The following LRRC15 variants were observed in gnomAD, a reference collection of about 807,000 sequenced individuals.
LRRC15 encodes the protein leucine-rich repeat-containing protein 15.
LRRC15 carries 5 observed loss-of-function variants against 4.3 expected under a neutral mutation model. The ratio of observed to expected loss-of-function variants is 1.16; its 90% CI spans 0.61 to 2.44. The LOEUF (loss-of-function observed/expected upper bound fraction) is 2.44. LRRC15 is among the 30% of genes most tolerant of loss of function. The pLI is 0.01. For synonymous variants in LRRC15, 337 were observed against 323.2 expected (o/e 1.04, Z -0.46); for missense variants, 769 against 747.0 (o/e 1.03, Z -0.34).
In LRRC15 at chr3:194,360,313, T is replaced by C. The variant is rs1576998804; in HGVS notation, c.731A>G (p.Asn244Ser). 1.9e-6 allele frequency: 3 copies of C among 1,613,356 alleles called. No homozygotes were observed. Among genetic ancestry groups the C allele is most frequent in the Admixed American group, 1.7e-5 (1 of 59,978 alleles). The change falls in exon 2 of 2, where the codon AAC (asparagine) becomes AGC (serine). Residue 244 changes from asparagine to serine, a missense_variant. By Grantham distance (46) the Asn-to-Ser change is conservative (BLOSUM62 1). Transcript: ENST00000347624. ...GLLSPGLFHNNHNLQRLYLSN... is the reference protein window; with the variant it reads ...GLLSPGLFHNSHNLQRLYLSN... ...CAGGTAGAGTCTCTGGAGGTTGTGG[T>C]TGTTGTGGAAGAGACCAGGGGAGAG...
chr3:194,360,394 A>G lies in LRRC15; in HGVS notation c.650T>C (p.Phe217Ser). The G allele has an allele frequency of 6.2e-7, 1 of 1,614,172 alleles. No individual in the cohort carries two copies. ...TTCCTGCAGGTTAACAAGCCCATCA[A>G]AAGTGCCCATGGGGATATCCGTGAG... is the stretch of plus-strand genomic sequence containing the variant. Reference protein sequence around the residue: ...NRLTDIPMGTFDGLVNLQELA... With the variant: ...NRLTDIPMGTSDGLVNLQELA... Residue 217 changes from phenylalanine to serine, a missense_variant, in exon 2 of 2, where the codon TTT becomes TCT. Transcript: ENST00000347624.
In LRRC15 at chr3:194,355,490, C is replaced by G. The variant is rs1217827567; in HGVS notation, c.*3808G>C. 1 of 152,250 alleles carries G rather than the reference C, an allele frequency of 6.6e-6. No homozygotes were observed. The highest frequency in any genetic ancestry group is 2.4e-5 in the African/African-American group (1 of 41,454). 9.4% of individuals were successfully genotyped at this position (152,250 alleles called of 1,614,324 possible). ...CAGCGGGTTGGTGAGAACAATCTCT[C>G]CTTAAGAGAAGAAGAAACCTGGGGC... is the stretch of plus-strand genomic sequence containing the variant. On this transcript the variant is annotated 3_prime_UTR_variant, in exon 2 of 2. Transcript: ENST00000347624.
chr3:194,364,791 G>A (rs1362045549), intron 1 of LRRC15, among the ~76,000 whole-genome samples: 1 of 152,252 alleles, frequency 6.6e-6, no homozygotes, highest in Non-Finnish European at 1.5e-5. Flanking sequence ...GCCCATCCCA[G>A]CACCACATGC....
At position 194,360,360 on chromosome 3, in the gene LRRC15, C is replaced by A. The variant is rs11713861; in HGVS notation, c.684G>T (p.Leu228=). 5.6e-6 allele frequency: 9 copies of A among 1,613,906 alleles called. No individual in the cohort carries two copies. The highest frequency in any genetic ancestry group is 7.6e-6 in the Non-Finnish European group (9 of 1,179,972). ...DGLVNLQELA[L]QQNQIGLLSP... The stretch of plus-strand genomic sequence containing the variant: ...AGAGCAGTCCAATCTGGTTCTGCTG[C>A]AGAGCCAGTTCCTGCAGGTTAACAA... Residue 228 remains leucine (L), a synonymous_variant, in exon 2 of 2, where the codon CTG becomes CTT. Transcript: ENST00000347624.
At chr3:194,367,996 G>A (rs1178354371) in intron 1 of LRRC15, among the ~76,000 whole-genome samples, 2 of 152,210 alleles carry the variant, frequency 1.3e-5, no homozygotes, top group Non-Finnish European at 2.9e-5. Flanking sequence ...CAGCAGAACA[G>A]GAGAACTGCC....
rs1453356679 is a variant in LRRC15, at chr3:194,360,469, A to AC, written c.574dup (p.Val192GlyfsTer15). On this transcript the variant is annotated frameshift_variant, in exon 2 of 2. Transcript: ENST00000347624. LOFTEE classifies it low-confidence loss of function (END_TRUNC). ...CTGGAGGTTGCCCAGGTGCTGGAAGACCCTGGGTGAGATGTGGGTGAGGCT... is the reference window on the plus strand; with the variant it reads ...CTGGAGGTTGCCCAGGTGCTGGAAGACCCCTGGGTGAGATGTGGGTGAGGCT... The AC allele has an allele frequency of 5.6e-6, 9 of 1,613,938 alleles. No homozygotes were observed. In the East Asian group the frequency reaches 1.8e-4, roughly 32 times the overall value.
chr3:194,368,849 G>GC (rs1260636981), intron 1 of LRRC15, among the ~76,000 whole-genome samples: 1 of 152,218 alleles, frequency 6.6e-6, no homozygotes, highest in Non-Finnish European at 1.5e-5. Flanking sequence ...CTACGTTTGA[G>GC]CAGAGACACG....
Position 194,360,648 on chromosome 3 carries a change from C to T in LRRC15, c.396G>A (p.Leu132=). The T allele has an allele frequency of 6.2e-7, 1 of 1,614,140 alleles. No homozygotes were observed. The highest frequency in any genetic ancestry group is 8.5e-7 in the Non-Finnish European group (1 of 1,180,026). The change falls in exon 2 of 2, where the codon CTG becomes CTA. Residue 132 remains leucine (L), a synonymous_variant. Coordinates refer to ENST00000347624, the MANE Select transcript of LRRC15 (RefSeq NM_130830.5). ...GGATCTGCAACAGCTGGTTACTGGA[C>T]AGAAGGAGAGACTCGAGGCTGTCCA... The part of the protein sequence containing the change: ...QGLDSLESLL[L]SSNQLLQIQP...
At position 194,361,001 on chromosome 3, in the gene LRRC15, C is replaced by A. The variant is rs1466773202; in HGVS notation, c.43G>T (p.Ala15Ser). 6.6e-7 allele frequency: 1 copy of A among 1,525,508 alleles called. No individual in the cohort carries two copies. Among genetic ancestry groups the A allele is most frequent in the Non-Finnish European group, 8.7e-7 (1 of 1,143,726 alleles). 94.5% of individuals were successfully genotyped at this position (1,525,508 alleles called of 1,614,324 possible). Residue 15 changes from alanine (A) to serine (S), a missense_variant, in exon 2 of 2, where the codon GCC becomes TCC. Ala to Ser is a moderately conservative substitution (Grantham distance 99). Transcript: ENST00000347624. ...TGGTAGGCCAACCCTGCACCCCAGG[C>A]TTGGCAGCCCACCAGCAAAAGGAGA... ...HYLLLLVGCQ[A>S]WGAGLAYHGC...
rs1420341057 is a variant in LRRC15 at position 194,359,669 on chromosome 3, C to A, written c.1375G>T (p.Val459Phe). The part of the protein sequence containing the change: ...TVPVCFSPAN[V>F]RGQSLIIINV... The stretch of plus-strand genomic sequence containing the variant: ...ATGATAATGAGGGACTGGCCTCGGA[C>A]ATTGGCTGGGCTGAAACACACAGGT... Residue 459 changes from valine (V) to phenylalanine (F), a missense_variant, in exon 2 of 2, where the codon GTC becomes TTC. Coordinates refer to ENST00000347624, the MANE Select transcript of LRRC15 (RefSeq NM_130830.5). 1 of 1,614,158 alleles carries A rather than the reference C, an allele frequency of 6.2e-7. No homozygotes were observed.
intron 1 of LRRC15, chr3:194,363,321 A>G (rs1269821374): frequency 1.4e-6 from 1 of 706,946 alleles, no homozygotes; most frequent in South Asian, 1.5e-5. Flanking sequence ...GACTAAGCAT[A>G]TAGAACAATG....
intron 1 of LRRC15, among the ~76,000 whole-genome samples, chr3:194,368,160 C>T (rs184726519): frequency 2.0e-5 from 3 of 152,316 alleles, no homozygotes; most frequent in Admixed American, 6.5e-5. Flanking sequence ...CAAGACAGGC[C>T]ATAAATCTGA....
At position 194,359,972 on chromosome 3, in the gene LRRC15, C is replaced by T. The variant is rs1012187849; in HGVS notation, c.1072G>A (p.Gly358Arg). The T allele has an allele frequency of 5.6e-6, 9 of 1,614,184 alleles. No individual in the cohort carries two copies. The highest frequency in any genetic ancestry group is 7.6e-6 in the Non-Finnish European group (9 of 1,180,016). The change falls in exon 2 of 2, where the codon GGG becomes AGG. Residue 358 changes from glycine to arginine, a missense_variant. Transcript: ENST00000347624. The part of the protein sequence containing the change: ...LHTNALQDLD[G>R]NVFRMLANLQ... ...TTGGCCAACATGCGGAAGACGTTCC[C>T]GTCCAGGTCCTGCAGTGCGTTGGTG...
intron 1 of LRRC15, among the ~76,000 whole-genome samples, chr3:194,366,408 C>T (rs1174918246): frequency 6.6e-6 from 1 of 152,190 alleles, no homozygotes; most frequent in East Asian, 1.9e-4. Flanking sequence ...GGAGACTCCA[C>T]CCGCAGAGAT....
At chr3:194,368,465 G>C (rs1263780208) in intron 1 of LRRC15, among the ~76,000 whole-genome samples, 2 of 152,120 alleles carry the variant, frequency 1.3e-5, no homozygotes, top group African/African-American at 2.4e-5. Flanking sequence ...AGCCCGCCCA[G>C]CTGACTCAAG....
intron 1 of LRRC15, among the ~76,000 whole-genome samples, chr3:194,362,188 G>T (rs1479202906): frequency 1.3e-5 from 2 of 151,940 alleles, no homozygotes; most frequent in Admixed American, 6.6e-5. Flanking sequence ...ATAGGTGCTG[G>T]TCCCTATATG....
Position 194,360,822 on chromosome 3 carries a change from G to A in LRRC15, c.222C>T (p.Leu74=), listed in dbSNP as rs151104291. 1.4e-4 allele frequency: 222 copies of A among 1,614,124 alleles called. No individual in the cohort carries two copies. The highest frequency in any genetic ancestry group is 1.8e-4 in the Non-Finnish European group (207 of 1,179,998). The part of the protein sequence containing the change: ...HITELNESPF[L]NISALIALRI... ...TCAGGGCGATGAGGGCTGAGATATT[G>A]AGGAACGGGGACTCATTGAGTTCAG... The change falls in exon 2 of 2, where the codon CTC becomes CTT. Residue 74 remains leucine, a synonymous_variant. Coordinates refer to ENST00000347624, the MANE Select transcript of LRRC15 (RefSeq NM_130830.5).
intron 1 of LRRC15, 106 bp from the exon 2 acceptor site, chr3:194,361,152 C>G: frequency 1.1e-6 from 1 of 944,550 alleles, no homozygotes; most frequent in Non-Finnish European, 1.5e-6. Flanking sequence ...GCTTTGAACC[C>G]CATCATCACA....
intron 1 of LRRC15, among the ~76,000 whole-genome samples, chr3:194,366,113 C>T (rs925504012): frequency 3.7e-4 from 57 of 152,322 alleles, no homozygotes; most frequent in African/African-American, 1.2e-3. Flanking sequence ...CTCAATCACG[C>T]GCTCATGGGG....
Sources: gnomAD v4.1 joint callset for allele counts (sites outside exome capture counted in the v4.1 genomes callset) on GRCh38, gnomAD v4.1.1 for gene constraint, MANE v1.5 for transcripts, NCBI Gene and HGNC (gene_info 2026-07-23, HGNC 2026-07-21) for gene names.